CELF1: variants seen among roughly 807,000 people sequenced by gnomAD.
The protein encoded by CELF1 is 50 kDa nuclear polyadenylated RNA-binding protein.
In CELF1, 10 loss-of-function variants were observed where a neutral mutation model predicts 61.8. That is an observed-to-expected ratio of 0.16 (90% CI 0.10 to 0.27). CELF1 has a LOEUF of 0.27. Ranked by LOEUF, CELF1 falls within the 10% of genes least tolerant of loss-of-function variation. CELF1 has a pLI of 1.00. For missense variants in CELF1, 380 were observed against 639.1 expected, an observed-to-expected ratio of 0.59 and a Z score of 4.37; for synonymous variants, 236 against 225.1, an observed-to-expected ratio of 1.05 and a Z score of -0.43.
At chr11:47,524,567 G>A (rs555922367) in intron 1 of CELF1, 1 of 152,260 alleles carries the variant, frequency 6.6e-6, no homozygotes, top group Non-Finnish European at 1.5e-5. Context: ...GACGCACACA[G>A]ACAGACAGAT....
rs142130260 is a variant in CELF1 at position 47,511,100 on chromosome 11, T to C, written c.-153-10168A>G. Among the ~76,000 whole-genome samples, 899 of 152,150 alleles carry C rather than the reference T, an allele frequency of 5.9e-3. 11 individuals carry two copies. The highest frequency in any genetic ancestry group is 0.019 in the African/African-American group (805 of 41,524). On this transcript the variant is annotated intron_variant, in intron 1 of 14. Transcript: ENST00000687097. ...TACTTGGAAGGCTGAGGTGGGAGGA[T>C]TGCTTGAGCCCAGAGGTCGAGGCTG...
At chr11:47,552,122 C>G (rs1404775313) in intron 1 of CELF1, among the ~76,000 whole-genome samples, 1 of 152,190 alleles carries the variant, frequency 6.6e-6, no homozygotes, top group South Asian at 2.1e-4. Context: ...TGTTATACAG[C>G]CTTTTTACTC....
At chr11:47,483,425 T>C in intron 8 of CELF1, 28 bp downstream of exon 8, 2 of 1,591,342 alleles carry the variant, frequency 1.3e-6, no homozygotes, top group Non-Finnish European at 1.7e-6. Flanking sequence ...AGCTGAGGAA[T>C]TTTCCCCATC....
intron 6 of CELF1, 107 bp from the exon 7 acceptor site, chr11:47,484,630 ATT>A: frequency 1.2e-6 from 1 of 840,572 alleles, no homozygotes; most frequent in Non-Finnish European, 1.9e-6. Flanking sequence ...TCTGTACCAT[ATT>A]TTACAGATTC....
intron 3 of CELF1, chr11:47,496,046 G>C (rs191621462): frequency 6.0e-5 from 58 of 973,434 alleles, no homozygotes; most frequent in Non-Finnish European, 1.1e-5. Flanking sequence ...ACAGTGCTGT[G>C]GAAAAACTGG....
chr11:47,510,633 T>G (rs987613365), intron 1 of CELF1, among the ~76,000 whole-genome samples: 5 of 152,028 alleles, frequency 3.3e-5, no homozygotes, highest in Non-Finnish European at 5.9e-5. Context: ...ACTACAGGTG[T>G]GCACCACCAC....
At chr11:47,532,504 C>T (rs533757051) in intron 1 of CELF1, among the ~76,000 whole-genome samples, 4 of 152,266 alleles carry the variant, frequency 2.6e-5, no homozygotes, top group Middle Eastern at 3.4e-3. Context: ...GGGATTCCTT[C>T]CATGGATAGA....
intron 1 of CELF1, among the ~76,000 whole-genome samples, chr11:47,502,064 G>T (rs1190588880): frequency 6.6e-6 from 1 of 152,160 alleles, no homozygotes; most frequent in Non-Finnish European, 1.5e-5. Flanking sequence ...CAAGCCAAGG[G>T]CTGGGAAATA....
intron 2 of CELF1, 103 bp downstream of exon 2, chr11:47,500,758 T>C (rs996496241): frequency 2.5e-6 from 1 of 395,066 alleles, no homozygotes. Flanking sequence ...AAACAACAAA[T>C]GGCGGCATTT....
chr11:47,493,993 T>C (rs970247125), intron 3 of CELF1, among the ~76,000 whole-genome samples: 3 of 152,244 alleles, frequency 2.0e-5, no homozygotes, highest in Admixed American at 6.5e-5. Flanking sequence ...TATCATTAAA[T>C]ACATTCTCAA....
chr11:47,504,671 G>A (rs2094317111), intron 1 of CELF1, among the ~76,000 whole-genome samples: 1 of 149,860 alleles, frequency 6.7e-6, no homozygotes, highest in African/African-American at 2.4e-5. Context: ...GAAGGCCGAG[G>A]TGAGCAGATC....
intron 2 of CELF1, 62 bp downstream of exon 2, chr11:47,500,799 T>G (rs142051738): frequency 2.5e-6 from 1 of 398,052 alleles, no homozygotes; most frequent in African/African-American, 2.1e-5. Context: ...TAAAATGTTA[T>G]CTCTGAAGGC....
chr11:47,516,191 CAAAAT>C (rs1217287579), intron 1 of CELF1, among the ~76,000 whole-genome samples: 4 of 151,324 alleles, frequency 2.6e-5, no homozygotes, highest in Non-Finnish European at 5.9e-5. Flanking sequence ...GACTCTGTCT[CAAAAT>C]AAAAAATAAA....
chr11:47,549,497 G>T (rs747091357), intron 1 of CELF1, among the ~76,000 whole-genome samples: 72 of 152,110 alleles, frequency 4.7e-4, no homozygotes, highest in Non-Finnish European at 1.2e-4. Flanking sequence ...CCTTAAAAAG[G>T]AAATAAATCC....
chr11:47,545,857 G>C (rs1420242992), intron 1 of CELF1, among the ~76,000 whole-genome samples: 2 of 125,906 alleles, frequency 1.6e-5, no homozygotes, highest in Non-Finnish European at 3.3e-5. Flanking sequence ...ATACGTGTGT[G>C]TGTGTGTGTC....
intron 3 of CELF1, among the ~76,000 whole-genome samples, chr11:47,491,676 T>C (rs1332663185): frequency 6.6e-6 from 1 of 152,224 alleles, no homozygotes; most frequent in Non-Finnish European, 1.5e-5. Flanking sequence ...GTGGAAATTT[T>C]AGCATTAAAA....
At chr11:47,530,599 G>A (rs760765079) in intron 1 of CELF1, among the ~76,000 whole-genome samples, 3 of 152,106 alleles carry the variant, frequency 2.0e-5, no homozygotes, top group African/African-American at 2.4e-5. Context: ...ATTAAGAAGC[G>A]GTATCAGAGA....
At chr11:47,558,425 C>T (rs1467692661) in intron 2 of CELF1, among the ~76,000 whole-genome samples, 5 of 133,130 alleles carry the variant, frequency 3.8e-5, no homozygotes, top group African/African-American at 1.5e-4. Flanking sequence ...TTAGATGAAA[C>T]CCTCATATAT....
At chr11:47,508,084 T>C (rs1565851657) in intron 1 of CELF1, among the ~76,000 whole-genome samples, 1 of 152,306 alleles carries the variant, frequency 6.6e-6, no homozygotes, top group South Asian at 2.1e-4. Context: ...GAAGATAACC[T>C]GCCCGTGGCT....
Sources: gnomAD v4.1 joint callset for allele counts (sites outside exome capture counted in the v4.1 genomes callset) on GRCh38, gnomAD v4.1.1 for gene constraint, MANE v1.5 for transcripts, NCBI Gene and HGNC (gene_info 2026-07-23, HGNC 2026-07-21) for gene names.